Variants in MOV10L1 observed in about 807,000 individuals in gnomAD.
MOV10L1 encodes Mov10 like RNA helicase 1.
MOV10L1 carries 110 observed loss-of-function variants against 143.8 expected under a neutral mutation model. The observed-to-expected ratio is 0.76, with a 90% CI of 0.66 to 0.90. MOV10L1 has a LOEUF of 0.90. MOV10L1 is among the 40% of genes least tolerant of loss of function. The pLI is 0.00. For missense variants in MOV10L1, 1,406 were observed against 1,526.8 expected (o/e 0.92, Z 1.32); for synonymous variants, 593 against 581.1 (o/e 1.02, Z -0.29).
chr22:50,157,902 C>T (rs557079531), intron 22 of MOV10L1, among the ~76,000 whole-genome samples, 155 bp from the exon 23 acceptor site: 31 of 152,186 alleles, frequency 2.0e-4, no homozygotes, highest in African/African-American at 7.5e-4. Context: ...TTAACATATG[C>T]CATCTGCCCT....
rs1418477919 is a variant in MOV10L1, at chr22:50,152,393, T to G, written c.2893-652T>G. ...GCATTGCTCTGACTGGTTGAACTCC[T>G]GTAGTCGCTGGAGACCCTCTCTGGC... On this transcript the variant is annotated intron_variant, in intron 21 of 26. Transcript: ENST00000262794. This position sits in a 1 kb window ranked among gnomAD's most constrained non-coding sequence, Gnocchi z 4.4. 6.6e-6 allele frequency among the ~76,000 whole-genome samples: 1 copy of G among 152,202 alleles called. No homozygotes were observed. Among genetic ancestry groups the G allele is most frequent in the African/African-American group, 2.4e-5 (1 of 41,442 alleles).
At chr22:50,133,178 C>G (rs991026394) in intron 13 of MOV10L1, among the ~76,000 whole-genome samples, 1 of 152,054 alleles carries the variant, frequency 6.6e-6, no homozygotes, top group African/African-American at 2.4e-5. Context: ...TGGCTTTGTC[C>G]CTGGTCTTAG....
In MOV10L1 at chr22:50,092,161, G is replaced by C. The variant is rs891305910; in HGVS notation, c.258G>C (p.Val86=). ...TTGCAGTTGTGGAAGAAAATAAAGT[G>C]TCCAATGGACTGAAAGCAATCAGGG... ...EVIAVVEENK[V]SNGLKAIRVE... is the part of the protein sequence containing the mutation. Residue 86 remains valine (V), a synonymous_variant, in exon 2 of 27, where the codon GTG becomes GTC. Transcript: ENST00000262794. 1.2e-6 allele frequency: 2 copies of C among 1,613,962 alleles called. No individual in the cohort carries two copies. Among genetic ancestry groups the C allele is most frequent in the Non-Finnish European group, 1.7e-6 (2 of 1,179,990 alleles).
chr22:50,115,177 CA>C lies in MOV10L1; in HGVS notation c.1191del (p.Glu398SerfsTer40), dbSNP rs2062136178. The C allele has an allele frequency of 6.4e-7, 1 of 1,568,118 alleles. No homozygotes were observed. The highest frequency in any genetic ancestry group is 8.6e-7 in the Non-Finnish European group (1 of 1,164,544). ...AACATTCTATCAAGGAAGCAGATGA[CA>C]GAGCCTGAGCCTGGGGGGCTTGTCC... Reference protein sequence around the residue: ...KDNILSRKQMTEPEPGGLVPP... With the variant: ...KDNILSRKQMXEPEPGGLVPP... On this transcript the variant is annotated frameshift_variant, in exon 8 of 27. Coordinates refer to ENST00000262794, the MANE Select transcript of MOV10L1 (RefSeq NM_018995.3). LOFTEE classifies it high-confidence loss of function.
At chr22:50,142,822 C>T (rs938023967) in intron 16 of MOV10L1, among the ~76,000 whole-genome samples, 1 of 151,468 alleles carries the variant, frequency 6.6e-6, no homozygotes, top group Non-Finnish European at 1.5e-5. Flanking sequence ...GGTGACAGAG[C>T]GAGACCCTGT....
At chr22:50,134,235 A>G (rs951319767) in intron 14 of MOV10L1, among the ~76,000 whole-genome samples, 170 bp downstream of exon 14, 11 of 152,220 alleles carry the variant, frequency 7.2e-5, no homozygotes, top group African/African-American at 1.2e-4. Context: ...TACTATTTCA[A>G]CTTAGTGAAT....
At chr22:50,149,788 C>A in intron 20 of MOV10L1, 74 bp downstream of exon 20, 1 of 1,375,388 alleles carries the variant, frequency 7.3e-7, no homozygotes, top group Non-Finnish European at 1.0e-6. Context: ...TGCGATCCTG[C>A]CGGGAACAGT....
chr22:50,090,088 C>T lies in MOV10L1; in HGVS notation c.-1C>T, dbSNP rs2062385655. On this transcript the variant is annotated 5_prime_UTR_variant, in exon 1 of 27. Transcript: ENST00000262794. Reference sequence around the variant, plus strand: ...ACGGCAGCCTAGGCCGGGCGAGGGCCATGCTGAGCCTCGCAGCCAAGCTGG... The same window carrying T: ...ACGGCAGCCTAGGCCGGGCGAGGGCTATGCTGAGCCTCGCAGCCAAGCTGG... 2 of 1,325,456 alleles carry T rather than the reference C, an allele frequency of 1.5e-6. No individual in the cohort carries two copies. Among genetic ancestry groups the T allele is most frequent in the Non-Finnish European group, 1.9e-6 (2 of 1,037,386 alleles). The allele number at this position is 1,325,456 out of a possible 1,614,324, so 82.1% of individuals were successfully genotyped here.
chr22:50,094,980 C>T (rs9617020), intron 2 of MOV10L1: 34,108 of 152,106 alleles, frequency 0.22, 4,192 homozygotes, highest in Admixed American at 0.35. Flanking sequence ...TCCCAGCACT[C>T]GGGAGGCTGA....
intron 9 of MOV10L1, among the ~76,000 whole-genome samples, chr22:50,119,391 C>T (rs2062273152): frequency 6.6e-6 from 1 of 152,134 alleles, no homozygotes; most frequent in Non-Finnish European, 1.5e-5. Context: ...CCTGCACTTC[C>T]TGCTAGGACC....
Position 50,126,281 on chromosome 22 carries a change from ACT to A in MOV10L1, c.1818+16_1818+17del, listed in dbSNP as rs1445673493. The A allele has an allele frequency of 2.5e-6, 4 of 1,601,586 alleles. No individual in the cohort carries two copies. The African/African-American group carries it at 4.0e-5, about 16-fold the overall frequency. On this transcript the variant is annotated intron_variant, in intron 12 of 26. Transcript: ENST00000262794. Reference sequence around the variant, plus strand: ...TCAGCTACGTGACTGAGGTGAGAGCACTCTCTCTTAATGAGTTTGTGTTAGAC... The same window carrying A: ...TCAGCTACGTGACTGAGGTGAGAGCACTCTCTTAATGAGTTTGTGTTAGAC...
chr22:50,144,119 G>T lies in MOV10L1; in HGVS notation c.2381G>T (p.Ser794Ile), dbSNP rs777294700. 3.1e-6 allele frequency: 5 copies of T among 1,610,908 alleles called. No individual in the cohort carries two copies. Residue 794 changes from serine to isoleucine, a missense_variant, in exon 18 of 27, where the codon AGT becomes ATT. Coordinates refer to ENST00000262794, the MANE Select transcript of MOV10L1 (RefSeq NM_018995.3). ...VLQVHFALPD[S>I]RILVCAPSNS... ...AAGGTACACTTTGCCTTGCCGGACA[G>T]TCGGATTTTAGTCTGTGCGCCCTCC...
At chr22:50,119,073 C>T (rs912740646) in intron 9 of MOV10L1, among the ~76,000 whole-genome samples, 28 of 152,166 alleles carry the variant, frequency 1.8e-4, no homozygotes, top group African/African-American at 6.3e-4. Context: ...CCCTGGTTCT[C>T]ATCTAGTGAC....
intron 15 of MOV10L1, among the ~76,000 whole-genome samples, chr22:50,141,379 G>A (rs1032682383): frequency 6.6e-6 from 1 of 151,736 alleles, no homozygotes; most frequent in Admixed American, 6.6e-5. Flanking sequence ...CACCCAGGTT[G>A]GAGTTGGTCG....
chr22:50,124,814 C>T (rs2062448272), intron 10 of MOV10L1, among the ~76,000 whole-genome samples: 1 of 152,214 alleles, frequency 6.6e-6, no homozygotes, highest in Admixed American at 6.5e-5. Flanking sequence ...CATGCAGCAT[C>T]CCTGGGTCCT....
chr22:50,107,971 C>T (rs923933466), intron 3 of MOV10L1, among the ~76,000 whole-genome samples, 165 bp from the exon 4 acceptor site: 5 of 152,224 alleles, frequency 3.3e-5, no homozygotes, highest in African/African-American at 1.2e-4. Context: ...AATAATAATA[C>T]TTCAGGGTTT....
At chr22:50,126,332 G>A in intron 12 of MOV10L1, 60 bp downstream of exon 12, 1 of 1,317,404 alleles carries the variant, frequency 7.6e-7, no homozygotes, top group Non-Finnish European at 1.1e-6. Flanking sequence ...CGGTTGGAAA[G>A]GTAACGTTCT....
At chr22:50,116,379 G>A (rs897615354) in intron 8 of MOV10L1, among the ~76,000 whole-genome samples, 14 of 151,166 alleles carry the variant, frequency 9.3e-5, no homozygotes, top group Non-Finnish European at 1.6e-4. Context: ...CCTGGGAGGC[G>A]GAGCTTGCAG....
rs534004729 is a variant in MOV10L1, at chr22:50,133,988, G to T, written c.1911-19G>T. 7 of 1,603,820 alleles carry T rather than the reference G, an allele frequency of 4.4e-6. No individual in the cohort carries two copies. In the Admixed American group the frequency reaches 1.2e-4, roughly 28 times the overall value. Reference sequence around the variant, plus strand: ...CTGAATGTAAGGTTAGTTATTTTATGTGGTTTTCTTTCCTGCAGGACCACA... The same window carrying T: ...CTGAATGTAAGGTTAGTTATTTTATTTGGTTTTCTTTCCTGCAGGACCACA... On this transcript the variant is annotated intron_variant, in intron 13 of 26. Transcript: ENST00000262794.
Sources: allele counts gnomAD v4.1 joint callset (sites outside exome capture counted in the v4.1 genomes callset), GRCh38; gene constraint gnomAD v4.1.1; non-coding constraint Gnocchi (gnomAD v3.1); transcripts MANE v1.5; gene names NCBI Gene and HGNC (gene_info 2026-07-23, HGNC 2026-07-21).